The following UNC13C variants were observed in gnomAD, a reference collection of about 807,000 sequenced individuals.
The protein encoded by UNC13C is unc-13 homolog C, also known as protein unc-13 homolog C.
UNC13C carries 174 observed loss-of-function variants against 245.4 expected under a neutral mutation model. That is an observed-to-expected ratio of 0.71 (90% confidence interval 0.63 to 0.80). The LOEUF (loss-of-function observed/expected upper bound fraction) is 0.80. Ranked by LOEUF, UNC13C falls within the 30% of genes least tolerant of loss-of-function variation. The probability of loss-of-function intolerance (pLI) is 0.00; values close to 1 mark genes in which losing one functional copy is unlikely to be tolerated. For synonymous variants in UNC13C, 992 were observed against 895.1 expected (o/e 1.11, Z -1.93); for missense variants, 2,829 against 2,602.9 (o/e 1.09, Z -1.89).
At chr15:54,063,179 T>C (rs1185202033) in intron 2 of UNC13C, among the ~76,000 whole-genome samples, 1 of 152,188 alleles carries the variant, frequency 6.6e-6, no homozygotes, top group Non-Finnish European at 1.5e-5. Context: ...CAGAATATGT[T>C]AAAGAGTATG....
chr15:54,507,096 T>A, intron 22 of UNC13C, 21 bp from the exon 23 acceptor site: 1 of 1,544,230 alleles, frequency 6.5e-7, no homozygotes, highest in South Asian at 1.2e-5. Context: ...TGGGTAAAGT[T>A]CACAATGTTT....
chr15:54,417,248 C>A (rs1367658220), intron 19 of UNC13C, among the ~76,000 whole-genome samples: 1 of 152,006 alleles, frequency 6.6e-6, no homozygotes, highest in Non-Finnish European at 1.5e-5. Flanking sequence ...CCAACTTTAC[C>A]AGGTAATCCC....
chr15:54,247,371 A>G (rs1008051811), intron 7 of UNC13C, among the ~76,000 whole-genome samples: 1 of 152,164 alleles, frequency 6.6e-6, no homozygotes, highest in Non-Finnish European at 1.5e-5. Context: ...GCTGCTGAGA[A>G]AACATCTTGC....
At chr15:54,190,968 C>T (rs1023995642) in intron 4 of UNC13C, among the ~76,000 whole-genome samples, 3 of 151,984 alleles carry the variant, frequency 2.0e-5, no homozygotes, top group Non-Finnish European at 4.4e-5. Context: ...TATGTATGCA[C>T]TTTCCGTAAT....
chr15:54,391,596 A>C (rs2039958000), intron 17 of UNC13C, among the ~76,000 whole-genome samples: 1 of 152,014 alleles, frequency 6.6e-6, no homozygotes, highest in African/African-American at 2.4e-5. Context: ...TACTTCTTAA[A>C]ATCCTTTGGA....
chr15:53,852,336 T>TAAAA, the UNC13C span, among the ~76,000 whole-genome samples: 2 of 152,170 alleles, frequency 1.3e-5, no homozygotes, highest in Non-Finnish European at 2.9e-5. Context: ...ACAGGGCTTT[T>TAAAA]ACTCTAGCTA....
At chr15:54,583,837 T>C (rs993762706) in intron 30 of UNC13C, among the ~76,000 whole-genome samples, 19 of 152,306 alleles carry the variant, frequency 1.2e-4, no homozygotes, top group African/African-American at 4.3e-4. Context: ...CTGCTGACCA[T>C]GATCAAACCT....
rs543374178 is a variant in UNC13C, at chr15:54,575,908, C to T, written c.6106+7961C>T. Among the ~76,000 whole-genome samples the T allele has an allele frequency of 8.5e-5, 13 of 152,294 alleles. 1 individual carries two copies. In the South Asian group the frequency reaches 2.3e-3, roughly 27 times the overall value. On this transcript the variant is annotated intron_variant, in intron 30 of 32. Coordinates refer to ENST00000260323, the MANE Select transcript of UNC13C (RefSeq NM_001080534.3). Reference sequence around the variant, plus strand: ...GTGAAATATGGCTCTTCAAACATTGCAGTCTTTCTGATGACATTCACTTCA... The same window carrying T: ...GTGAAATATGGCTCTTCAAACATTGTAGTCTTTCTGATGACATTCACTTCA...
chr15:53,909,171 C>T, the UNC13C span, among the ~76,000 whole-genome samples: 185 of 146,852 alleles, frequency 1.3e-3, 8 homozygotes, highest in Middle Eastern at 6.9e-3. Context: ...AAATCGCCAT[C>T]GCTACTTTTC....
chr15:54,338,559 TA>T lies in UNC13C; in HGVS notation c.4713+72del, dbSNP rs1197193111. ...AGTATCTGTTTCCATAAGTTTAGCA[TA>T]ATAGTAAATAGAAAAGTATGTTCAT... On this transcript the variant is annotated intron_variant, in intron 17 of 32. Transcript: ENST00000260323. The T allele has an allele frequency of 3.9e-6, 6 of 1,521,206 alleles. No individual in the cohort carries two copies. In the East Asian group the frequency reaches 1.1e-4, roughly 29 times the overall value. 94.2% of individuals were successfully genotyped at this position (1,521,206 alleles called of 1,614,324 possible).
chr15:54,330,767 G>A (rs1424992411), intron 14 of UNC13C, among the ~76,000 whole-genome samples: 1 of 151,998 alleles, frequency 6.6e-6, no homozygotes. Context: ...AAGGTATAAT[G>A]GAGAGTGGCA....
At chr15:54,119,950 A>T (rs1248543364) in intron 2 of UNC13C, among the ~76,000 whole-genome samples, 1 of 152,168 alleles carries the variant, frequency 6.6e-6, no homozygotes, top group African/African-American at 2.4e-5. Context: ...GAAAAGTTTG[A>T]AGTTGGAAGA....
intron 19 of UNC13C, among the ~76,000 whole-genome samples, chr15:54,480,094 A>C (rs935236547): frequency 2.6e-5 from 4 of 151,966 alleles, no homozygotes; most frequent in Non-Finnish European, 5.9e-5. Context: ...TACTGTTTGG[A>C]GAATTCTTTC....
At chr15:53,967,300 A>G in the UNC13C span, among the ~76,000 whole-genome samples, 15 of 150,838 alleles carry the variant, frequency 9.9e-5, no homozygotes, top group Non-Finnish European at 5.9e-5. Context: ...TTTTTTATAA[A>G]ATGAGTTTTT....
intron 1 of UNC13C, among the ~76,000 whole-genome samples, chr15:53,987,890 A>G (rs1440432847): frequency 6.6e-6 from 1 of 152,036 alleles, no homozygotes; most frequent in African/African-American, 2.4e-5. Flanking sequence ...CTATCTATAA[A>G]ACATTTGGCA....
At chr15:54,573,301 C>G (rs1156662340) in intron 30 of UNC13C, among the ~76,000 whole-genome samples, 1 of 151,218 alleles carries the variant, frequency 6.6e-6, no homozygotes, top group Non-Finnish European at 1.5e-5. Flanking sequence ...AGTAGTTAGA[C>G]AAAAAGAAAA....
chr15:54,300,101 A>C, intron 12 of UNC13C, 109 bp from the exon 13 acceptor site: 1 of 956,310 alleles, frequency 1.0e-6, no homozygotes, highest in South Asian at 2.1e-5. Flanking sequence ...GATGCTGATG[A>C]AACATTAGAG....
At chr15:54,315,977 A>G (rs965892148) in intron 13 of UNC13C, among the ~76,000 whole-genome samples, 1 of 151,708 alleles carries the variant, frequency 6.6e-6, no homozygotes, top group Non-Finnish European at 1.5e-5. Flanking sequence ...ATAGCCTCCT[A>G]ATTGGACTCT....
chr15:54,372,765 C>G (rs867834213), intron 17 of UNC13C, among the ~76,000 whole-genome samples: 11 of 152,142 alleles, frequency 7.2e-5, no homozygotes, highest in African/African-American at 2.7e-4. Context: ...GAAATTTCAC[C>G]TAAGAATGCT....
Sources: allele counts gnomAD v4.1 joint callset (sites outside exome capture counted in the v4.1 genomes callset), GRCh38; gene constraint gnomAD v4.1.1; transcripts MANE v1.5; gene names NCBI Gene and HGNC (gene_info 2026-07-23, HGNC 2026-07-21).